Variants in IGF1R observed in about 807,000 individuals in gnomAD.
The protein encoded by IGF1R is insulin like growth factor 1 receptor.
A neutral mutation model predicts 144.6 loss-of-function variants in IGF1R; 44 were observed. The observed-to-expected ratio is 0.30, with a 90% CI of 0.24 to 0.39. The LOEUF (loss-of-function observed/expected upper bound fraction) is 0.39, where lower values mean the gene tolerates loss of function less well. Ranked by LOEUF, IGF1R falls within the 10% of genes least tolerant of loss-of-function variation. The pLI is 1.00. For synonymous variants in IGF1R, 795 were observed against 722.8 expected (o/e 1.10, Z -1.60); for missense variants, 1,355 against 1,833.7 (o/e 0.74, Z 4.77).
intron 5 of IGF1R, among the ~76,000 whole-genome samples, chr15:98,901,138 G>A (rs2014461365): frequency 1.3e-5 from 2 of 152,190 alleles, no homozygotes; most frequent in African/African-American, 4.8e-5. Flanking sequence ...CATAAAACCT[G>A]AAGCATCAGC....
At position 98,963,050 on chromosome 15, in the gene IGF1R, TAGTCAGTTGACGAAGATCTGGTTTACAA is replaced by T; in HGVS notation, c.*5609_*5636del. The T allele has an allele frequency of 4.3e-6, 1 of 233,694 alleles. No individual in the cohort carries two copies. The highest frequency in any genetic ancestry group is 8.5e-6 in the Non-Finnish European group (1 of 118,034). 14.5% of individuals were successfully genotyped at this position (233,694 alleles called of 1,614,324 possible). A position where few individuals can be genotyped will look rare whatever the true frequency, so the allele number is the denominator to read the frequency against. On this transcript the variant is annotated 3_prime_UTR_variant, in exon 21 of 21. Transcript: ENST00000650285. ...GCTCTTAAGTCCAGTAGATTACGGG[TAGTCAGTTGACGAAGATCTGGTTTACAA>T]GAACTAATTAAATGTTTCATTGCAT...
intron 2 of IGF1R, among the ~76,000 whole-genome samples, chr15:98,887,212 G>A (rs1252568346): frequency 2.6e-5 from 4 of 152,172 alleles, no homozygotes; most frequent in Non-Finnish European, 5.9e-5. Flanking sequence ...TTGTGGCACG[G>A]ACTGACTGAC....
In IGF1R at chr15:98,963,734, C is replaced by T. The variant is rs528287715; in HGVS notation, c.*6292C>T. ...ATGACTGATTACTGCTTTGTTAGAA[C>T]ACAGAAGAGACCCTATTTTATTTAA... On this transcript the variant is annotated 3_prime_UTR_variant, in exon 21 of 21. Transcript: ENST00000650285. The T allele has an allele frequency of 4.3e-6, 1 of 233,214 alleles. No homozygotes were observed. Among genetic ancestry groups the T allele is most frequent in the African/African-American group, 2.2e-5 (1 of 45,466 alleles). The allele number at this position is 233,214 out of a possible 1,614,324, so 14.4% of individuals were successfully genotyped here. A position where few individuals can be genotyped will look rare whatever the true frequency, so the allele number is the denominator to read the frequency against.
intron 2 of IGF1R, among the ~76,000 whole-genome samples, chr15:98,797,365 G>A (rs547254364): frequency 2.6e-5 from 4 of 152,226 alleles, no homozygotes; most frequent in South Asian, 2.1e-4. Flanking sequence ...CCTGATGCCC[G>A]GGTGTTTGGA....
chr15:98,797,487 A>T (rs1323387361), intron 2 of IGF1R, among the ~76,000 whole-genome samples: 1 of 152,146 alleles, frequency 6.6e-6, no homozygotes, highest in Non-Finnish European at 1.5e-5. Flanking sequence ...CGTCGGAGCC[A>T]TGTCTAGGTT....
chr15:98,744,857 C>T (rs762300545), intron 2 of IGF1R, among the ~76,000 whole-genome samples: 1 of 151,984 alleles, frequency 6.6e-6, no homozygotes, highest in South Asian at 2.1e-4. Flanking sequence ...TACCATTCTC[C>T]TCATTTGATG....
chr15:98,726,087 A>G (rs151077200), intron 2 of IGF1R, among the ~76,000 whole-genome samples: 7 of 152,360 alleles, frequency 4.6e-5, no homozygotes, highest in South Asian at 4.1e-4. Context: ...TCACTGAACA[A>G]TGACTAGGTG....
intron 2 of IGF1R, among the ~76,000 whole-genome samples, chr15:98,819,638 G>A (rs887668814): frequency 6.6e-6 from 1 of 152,166 alleles, no homozygotes; most frequent in Non-Finnish European, 1.5e-5. Flanking sequence ...TGCCCAGACA[G>A]GCTAGGACAA....
chr15:98,833,237 C>G (rs530326252), intron 2 of IGF1R, among the ~76,000 whole-genome samples: 32 of 152,320 alleles, frequency 2.1e-4, no homozygotes, highest in Non-Finnish European at 3.5e-4. Flanking sequence ...CTTTCCCCAT[C>G]TGCCAAACAA....
At chr15:98,820,950 C>T (rs2056790613) in intron 2 of IGF1R, 1 of 152,168 alleles carries the variant, frequency 6.6e-6, no homozygotes, top group African/African-American at 2.4e-5. Context: ...GGTATGTGAA[C>T]ACATATTTAT....
chr15:98,956,971 A>G, intron 20 of IGF1R, 90 bp from the exon 21 acceptor site: 6 of 1,407,338 alleles, frequency 4.3e-6, no homozygotes, highest in East Asian at 2.3e-5. Flanking sequence ...GTACGCTTGT[A>G]TGCGGGAAAC....
intron 1 of IGF1R, among the ~76,000 whole-genome samples, chr15:98,657,901 C>T (rs1596147917): frequency 6.6e-6 from 1 of 152,180 alleles, no homozygotes; most frequent in East Asian, 1.9e-4. Flanking sequence ...AGATTGACCC[C>T]TATTCCGGGA....
rs189806354 is a variant in IGF1R, at chr15:98,737,629, T to C, written c.640+29522T>C. 4.6e-3 allele frequency among the ~76,000 whole-genome samples: 704 copies of C among 152,344 alleles called. 8 individuals carry two copies. The highest frequency in any genetic ancestry group is 0.016 in the African/African-American group (663 of 41,568). ...AAGACTTCGAAAAGTTACCTTGTTCTCATTTTTCTTCTCCCTCTTTGCCCC... is the reference window on the plus strand; with the variant it reads ...AAGACTTCGAAAAGTTACCTTGTTCCCATTTTTCTTCTCCCTCTTTGCCCC... On this transcript the variant is annotated intron_variant, in intron 2 of 20. Coordinates refer to ENST00000650285, the MANE Select transcript of IGF1R (RefSeq NM_000875.5).
intron 4 of IGF1R, among the ~76,000 whole-genome samples, chr15:98,897,643 C>T (rs1043646664): frequency 6.6e-6 from 1 of 152,214 alleles, no homozygotes; most frequent in Non-Finnish European, 1.5e-5. Flanking sequence ...ATGGCATAAT[C>T]ATAGCTCACT....
chr15:98,864,700 T>C (rs1221672314), intron 2 of IGF1R, among the ~76,000 whole-genome samples: 2 of 152,218 alleles, frequency 1.3e-5, no homozygotes, highest in African/African-American at 2.4e-5. Flanking sequence ...AATAACTCTT[T>C]AGCCAAAAGA....
intron 15 of IGF1R, among the ~76,000 whole-genome samples, chr15:98,930,645 G>A (rs896141886): frequency 6.6e-6 from 1 of 150,824 alleles, no homozygotes; most frequent in African/African-American, 2.4e-5. Flanking sequence ...TCTAGTCAGA[G>A]GATATGCTGC....
chr15:98,952,369 C>G (rs1392908865), intron 20 of IGF1R, among the ~76,000 whole-genome samples: 3 of 151,674 alleles, frequency 2.0e-5, no homozygotes, highest in Non-Finnish European at 4.4e-5. Context: ...ACACTTTGAG[C>G]AGCGCAGCCA....
intron 17 of IGF1R, among the ~76,000 whole-genome samples, chr15:98,937,360 G>T (rs191431053): frequency 6.6e-6 from 1 of 152,228 alleles, no homozygotes; most frequent in East Asian, 1.9e-4. Flanking sequence ...AGAACACATG[G>T]CCTTGGTCCT....
intron 1 of IGF1R, among the ~76,000 whole-genome samples, chr15:98,674,455 G>A (rs2052979317): frequency 6.6e-6 from 1 of 152,106 alleles, no homozygotes; most frequent in Admixed American, 6.5e-5. Flanking sequence ...AGAGTCCATT[G>A]CCTCCTTTAT....
Sources: allele counts gnomAD v4.1 joint callset (sites outside exome capture counted in the v4.1 genomes callset), GRCh38; gene constraint gnomAD v4.1.1; transcripts MANE v1.5; gene names NCBI Gene and HGNC (gene_info 2026-07-23, HGNC 2026-07-21).